Variants in PIGL observed in about 807,000 individuals in gnomAD.
PIGL encodes the protein N-acetylglucosaminyl-phosphatidylinositol de-N-acetylase.
Under a neutral mutation model 31.1 loss-of-function variants are expected in PIGL, and 22 were observed. The ratio of observed to expected loss-of-function variants is 0.71; its 90% CI spans 0.51 to 1.01. The LOEUF is 1.01. Among genes scored for constraint, PIGL ranks in the 50% least tolerant of loss-of-function variants. PIGL has a pLI of 0.00. For synonymous variants in PIGL, 131 were observed against 117.4 expected, an observed-to-expected ratio of 1.12 and a Z score of -0.75; for missense variants, 302 against 315.9, an observed-to-expected ratio of 0.96 and a Z score of 0.33.
intron 4 of PIGL, 39 bp from the exon 5 acceptor site, chr17:16,316,642 A>G: frequency 6.4e-7 from 1 of 1,552,982 alleles, no homozygotes; most frequent in South Asian, 1.2e-5. Context: ...AAAGGAAATG[A>G]TCCTTACTCC....
intron 2 of PIGL, among the ~76,000 whole-genome samples, chr17:16,252,294 G>A (rs975394919): frequency 2.6e-5 from 4 of 151,822 alleles, no homozygotes; most frequent in South Asian, 2.1e-4. Flanking sequence ...GGATGGTCTC[G>A]ATCTCTTGAC....
At chr17:16,250,091 C>T (rs577203809) in intron 2 of PIGL, among the ~76,000 whole-genome samples, 1 of 152,278 alleles carries the variant, frequency 6.6e-6, no homozygotes, top group South Asian at 2.1e-4. Context: ...GGATTACCGA[C>T]ATATGCCACC....
chr17:16,282,033 T>G (rs775987417), intron 2 of PIGL: 1 of 520,232 alleles, frequency 1.9e-6, no homozygotes. Flanking sequence ...GATCAGCAGA[T>G]CAGGACTGTA....
chr17:16,276,180 A>C (rs1429972635), intron 2 of PIGL, among the ~76,000 whole-genome samples: 1 of 152,226 alleles, frequency 6.6e-6, no homozygotes, highest in Non-Finnish European at 1.5e-5. Context: ...ACATTCCACA[A>C]TGGTAAAGCA....
chr17:16,262,958 T>G lies in PIGL; in HGVS notation c.335+28888T>G, dbSNP rs951629080. Among the ~76,000 whole-genome samples the G allele has an allele frequency of 3.3e-5, 5 of 152,152 alleles. No individual in the cohort carries two copies. The South Asian group carries it at 1.0e-3, about 32-fold the overall frequency. ...AAACATTATGCTAAGTGAAATAAAT[T>G]AGACACAAAAAGCTACATAGGATTC... On this transcript the variant is annotated intron_variant, in intron 2 of 6. Transcript: ENST00000225609.
At chr17:16,297,920 GACGGGCAAGCAAGCATT>G (rs1387587666) in intron 2 of PIGL, among the ~76,000 whole-genome samples, 4 of 152,180 alleles carry the variant, frequency 2.6e-5, no homozygotes, top group Non-Finnish European at 5.9e-5. Flanking sequence ...GGAGGTGAGT[GACGGGCAAGCAAGCATT>G]ACTGCCTGAG....
intron 6 of PIGL, among the ~76,000 whole-genome samples, chr17:16,319,416 G>T (rs1200860106): frequency 3.9e-5 from 6 of 152,030 alleles, no homozygotes; most frequent in Admixed American, 3.9e-4. Flanking sequence ...GATGCTCCCA[G>T]CTTGAGTTTA....
intron 6 of PIGL, among the ~76,000 whole-genome samples, chr17:16,318,983 G>A (rs2093090928): frequency 6.6e-6 from 1 of 151,244 alleles, no homozygotes; most frequent in Non-Finnish European, 1.5e-5. Flanking sequence ...GCTGGGCACA[G>A]TGGCTCATGC....
chr17:16,217,640 T>A, intron 1 of PIGL, 179 bp downstream of exon 1: 5 of 540,142 alleles, frequency 9.3e-6, no homozygotes, highest in South Asian at 5.6e-5. Flanking sequence ...CCTGGTGGGT[T>A]GGGGGACGTC....
chr17:16,308,000 C>T (rs1431791890), intron 3 of PIGL, among the ~76,000 whole-genome samples: 4 of 149,606 alleles, frequency 2.7e-5, no homozygotes, highest in Non-Finnish European at 5.9e-5. Context: ...CAGTGGCTCA[C>T]TATTTTTAAA....
intron 6 of PIGL, among the ~76,000 whole-genome samples, chr17:16,322,849 TC>T (rs1393670240): frequency 6.6e-6 from 1 of 152,208 alleles, no homozygotes; most frequent in East Asian, 1.9e-4. Flanking sequence ...CCCATTTTTC[TC>T]ATTTTTGTGG....
intron 2 of PIGL, among the ~76,000 whole-genome samples, chr17:16,285,047 G>T (rs1396640885): frequency 6.6e-6 from 1 of 152,032 alleles, no homozygotes; most frequent in South Asian, 2.1e-4. Flanking sequence ...TAAACTCCTG[G>T]CCTCAAGCAG....
In PIGL at chr17:16,237,709, G is replaced by A. The variant is rs117334639; in HGVS notation, c.335+3639G>A. ...AACTACTTGGGTGACTGAGGTGAGA[G>A]GATCACCTGAACCCAGAAGGTGGAG... is the stretch of plus-strand genomic sequence containing the variant. On this transcript the variant is annotated intron_variant, in intron 2 of 6. Transcript: ENST00000225609. 2.8e-3 allele frequency among the ~76,000 whole-genome samples: 416 copies of A among 150,068 alleles called. 2 individuals are homozygous for A. The East Asian group carries it at 0.032, about 12-fold the overall frequency.
intron 6 of PIGL, among the ~76,000 whole-genome samples, chr17:16,322,668 A>G (rs150031074): frequency 1.0e-3 from 154 of 152,236 alleles, no homozygotes; most frequent in African/African-American, 3.6e-3. Flanking sequence ...GAATGCACCT[A>G]CTCACTAAAA....
At chr17:16,238,334 T>C (rs1168900446) in intron 2 of PIGL, among the ~76,000 whole-genome samples, 1 of 151,824 alleles carries the variant, frequency 6.6e-6, no homozygotes, top group African/African-American at 2.4e-5. Context: ...CAATTTACTT[T>C]AAGATAATTC....
chr17:16,261,540 A>G (rs1193672979), intron 2 of PIGL, among the ~76,000 whole-genome samples: 1 of 152,226 alleles, frequency 6.6e-6, no homozygotes, highest in Non-Finnish European at 1.5e-5. Context: ...ATTGATATTC[A>G]GAATATATAA....
chr17:16,239,737 A>G (rs922608147), intron 2 of PIGL, among the ~76,000 whole-genome samples: 3 of 152,024 alleles, frequency 2.0e-5, no homozygotes, highest in Non-Finnish European at 4.4e-5. Flanking sequence ...GAGGGAGGAT[A>G]TCTCAAATTA....
At chr17:16,221,337 C>T (rs1568773656) in intron 1 of PIGL, among the ~76,000 whole-genome samples, 2 of 152,172 alleles carry the variant, frequency 1.3e-5, no homozygotes, top group East Asian at 3.9e-4. Context: ...ATAAATAAAA[C>T]TAAAAGCTGA....
rs763704661 is a variant in PIGL at position 16,233,964 on chromosome 17, C to T, written c.236-7C>T. 1.3e-6 allele frequency: 2 copies of T among 1,546,462 alleles called. No homozygotes were observed. The highest frequency in any genetic ancestry group is 1.8e-6 in the Non-Finnish European group (2 of 1,120,292). ...AAAATCTACCACTGTATATTTGTTA[C>T]CCTCAGGAAATTACTACAATCAAGG... On this transcript the variant is annotated splice_region_variant and splice_polypyrimidine_tract_variant and intron_variant, in intron 1 of 6. Transcript: ENST00000225609.
Sources: gnomAD v4.1 joint callset for allele counts (sites outside exome capture counted in the v4.1 genomes callset) on GRCh38, gnomAD v4.1.1 for gene constraint, MANE v1.5 for transcripts, NCBI Gene and HGNC (gene_info 2026-07-23, HGNC 2026-07-21) for gene names.